CNTN4: variants seen among roughly 807,000 people sequenced by gnomAD.
CNTN4 encodes the protein contactin 4, also known as contactin-4.
CNTN4 carries 77 observed loss-of-function variants against 122.5 expected under a neutral mutation model. That is an observed-to-expected ratio of 0.63 (90% CI 0.52 to 0.76). The LOEUF (loss-of-function observed/expected upper bound fraction) is 0.76, where lower values mean the gene tolerates loss of function less well. CNTN4 is among the 30% of genes least tolerant of loss of function. The probability of loss-of-function intolerance (pLI) is 0.00; values close to 1 mark genes in which losing one functional copy is unlikely to be tolerated. For missense variants in CNTN4, 1,256 were observed against 1,259.1 expected (o/e 1.00, Z 0.04); for synonymous variants, 512 against 447.0 (o/e 1.15, Z -1.83).
intron 14 of CNTN4, chr3:2,999,211 AT>A (rs1465829462): frequency 2.0e-5 from 3 of 152,202 alleles, no homozygotes; most frequent in Non-Finnish European, 4.4e-5. Flanking sequence ...AGCATAGATT[AT>A]TTTGAACAAT....
intron 3 of CNTN4, among the ~76,000 whole-genome samples, chr3:2,553,588 A>G (rs1385068204): frequency 6.6e-6 from 1 of 152,192 alleles, no homozygotes; most frequent in Non-Finnish European, 1.5e-5. Context: ...TATGATGGTT[A>G]CTAACACACA....
intron 3 of CNTN4, among the ~76,000 whole-genome samples, chr3:2,353,832 G>A (rs901014095): frequency 1.1e-4 from 16 of 152,196 alleles, no homozygotes; most frequent in African/African-American, 2.4e-4. Context: ...CCGGGAGGCG[G>A]AGCTTGCAGT....
At chr3:2,226,537 A>G (rs1481251784) in intron 2 of CNTN4, among the ~76,000 whole-genome samples, 1 of 152,160 alleles carries the variant, frequency 6.6e-6, no homozygotes, top group Non-Finnish European at 1.5e-5. Flanking sequence ...CTGCTTTAGA[A>G]ATAAGTGCCC....
At chr3:2,834,225 A>C (rs1206551785) in intron 7 of CNTN4, among the ~76,000 whole-genome samples, 3 of 152,218 alleles carry the variant, frequency 2.0e-5, no homozygotes, top group Admixed American at 6.5e-5. Flanking sequence ...GATGTAAGAA[A>C]TAAAAATGGG....
intron 2 of CNTN4, among the ~76,000 whole-genome samples, chr3:2,157,677 C>T (rs543656849): frequency 6.6e-6 from 1 of 152,174 alleles, no homozygotes; most frequent in East Asian, 1.9e-4. Context: ...TGCCCTAAAA[C>T]AATACTGGCC....
intron 2 of CNTN4, among the ~76,000 whole-genome samples, chr3:2,127,345 C>T (rs933720871): frequency 6.6e-6 from 1 of 152,120 alleles, no homozygotes; most frequent in Non-Finnish European, 1.5e-5. Flanking sequence ...GTGGGTGCCG[C>T]TCCTCCCTTT....
chr3:2,671,855 G>C (rs371047556), intron 4 of CNTN4, among the ~76,000 whole-genome samples: 1 of 152,196 alleles, frequency 6.6e-6, no homozygotes, highest in African/African-American at 2.4e-5. Context: ...GAGTTTGCCG[G>C]AGGTCCACTC....
intron 4 of CNTN4, among the ~76,000 whole-genome samples, chr3:2,696,194 G>A (rs566815952): frequency 4.6e-5 from 7 of 152,266 alleles, no homozygotes; most frequent in Admixed American, 6.5e-5. Context: ...AATAATCATC[G>A]TTGATAACTA....
At chr3:2,268,845 A>G (rs1032336275) in intron 2 of CNTN4, among the ~76,000 whole-genome samples, 3 of 152,148 alleles carry the variant, frequency 2.0e-5, no homozygotes, top group African/African-American at 7.2e-5. Flanking sequence ...TCCTTGGTGC[A>G]TTTCACTCTT....
chr3:2,707,918 GA>G (rs1315871052), intron 4 of CNTN4, among the ~76,000 whole-genome samples: 1 of 152,186 alleles, frequency 6.6e-6, no homozygotes, highest in African/African-American at 2.4e-5. Context: ...TTAAGCTAAT[GA>G]AATGAGTCTG....
intron 4 of CNTN4, among the ~76,000 whole-genome samples, chr3:2,584,215 C>G (rs2080075125): frequency 6.6e-6 from 1 of 152,150 alleles, no homozygotes; most frequent in Non-Finnish European, 1.5e-5. Context: ...ACACTTCCAT[C>G]TACTTTACCT....
At chr3:2,204,288 C>G (rs2038237227) in intron 2 of CNTN4, among the ~76,000 whole-genome samples, 1 of 152,068 alleles carries the variant, frequency 6.6e-6, no homozygotes, top group East Asian at 1.9e-4. Flanking sequence ...TAATTATTCC[C>G]AAACATTCAA....
chr3:2,715,801 A>T (rs1017624080), intron 4 of CNTN4, among the ~76,000 whole-genome samples: 1 of 152,136 alleles, frequency 6.6e-6, no homozygotes, highest in Non-Finnish European at 1.5e-5. Context: ...AGACAGTATC[A>T]TGTCAGACAA....
chr3:2,346,031 T>C (rs907247854), intron 3 of CNTN4, among the ~76,000 whole-genome samples: 24 of 152,150 alleles, frequency 1.6e-4, no homozygotes, highest in Non-Finnish European at 1.8e-4. Context: ...GTGTGAATTT[T>C]CCCCCCTTCT....
At chr3:2,941,473 C>G (rs2094614648) in intron 13 of CNTN4, among the ~76,000 whole-genome samples, 1 of 152,220 alleles carries the variant, frequency 6.6e-6, no homozygotes, top group Non-Finnish European at 1.5e-5. Context: ...TATACACCAC[C>G]TCTCTCTGAT....
intron 4 of CNTN4, among the ~76,000 whole-genome samples, chr3:2,621,079 C>G (rs1289863372): frequency 1.3e-5 from 2 of 152,144 alleles, no homozygotes; most frequent in Admixed American, 6.5e-5. Context: ...ATAAGCTTGT[C>G]TGGAAAGTTG....
chr3:2,141,452 A>C (rs1420471002), intron 2 of CNTN4, among the ~76,000 whole-genome samples: 1 of 152,038 alleles, frequency 6.6e-6, no homozygotes, highest in East Asian at 1.9e-4. Context: ...TCTCTGATAG[A>C]CCCTCCAAAA....
chr3:2,515,958 C>A (rs1380214451), intron 3 of CNTN4, among the ~76,000 whole-genome samples: 1 of 151,912 alleles, frequency 6.6e-6, no homozygotes, highest in East Asian at 1.9e-4. Context: ...CAAGTGTACT[C>A]CAAGATGGAT....
rs1480433714 is a variant in CNTN4 at position 2,866,752 on chromosome 3, A to G, written c.455A>G (p.Glu152Gly). The G allele has an allele frequency of 6.2e-7, 1 of 1,613,502 alleles. No individual in the cohort carries two copies. The highest frequency in any genetic ancestry group is 8.5e-7 in the Non-Finnish European group (1 of 1,179,612). ...GTAATGAAGATTTTTTTCCTTTCAG[A>G]GCTGAGTTATGCCTGGATCTTCAAT... ...LLCGPPPHSG[E>G]LSYAWIFNEY... Residue 152 changes from glutamate (E) to glycine (G), a missense_variant and splice_region_variant, in exon 8 of 25, where the codon GAG (glutamate) becomes GGG (glycine). Coordinates refer to ENST00000418658, the MANE Select transcript of CNTN4 (RefSeq NM_175607.3).
Sources: gnomAD v4.1 joint callset for allele counts (sites outside exome capture counted in the v4.1 genomes callset) on GRCh38, gnomAD v4.1.1 for gene constraint, MANE v1.5 for transcripts, NCBI Gene and HGNC (gene_info 2026-07-23, HGNC 2026-07-21) for gene names.